Variants in PUS10 observed in about 807,000 individuals in gnomAD.
PUS10 encodes tRNA pseudouridine synthase Pus10.
In PUS10, 59 loss-of-function variants were observed where a neutral mutation model predicts 75.0. The observed-to-expected ratio is 0.79, with a 90% CI of 0.64 to 0.98. The LOEUF (loss-of-function observed/expected upper bound fraction) is 0.98, where lower values mean the gene tolerates loss of function less well. Ranked by LOEUF, PUS10 falls within the 50% of genes least tolerant of loss-of-function variation. The pLI is 0.00. For missense variants in PUS10, 650 were observed against 614.4 expected, an observed-to-expected ratio of 1.06 and a Z score of -0.61; for synonymous variants, 219 against 211.6, an observed-to-expected ratio of 1.03 and a Z score of -0.30.
chr2:61,013,922 G>A (rs1202778121), intron 1 of PUS10, among the ~76,000 whole-genome samples: 4 of 150,060 alleles, frequency 2.7e-5, no homozygotes, highest in African/African-American at 9.8e-5. Context: ...CTGGGCAACA[G>A]AGTGAGATGC....
intron 1 of PUS10, among the ~76,000 whole-genome samples, chr2:61,015,188 T>C (rs1679886815): frequency 6.6e-6 from 1 of 152,084 alleles, no homozygotes; most frequent in Admixed American, 6.6e-5. Context: ...ACAGAATATG[T>C]GGAAAACAGC....
At chr2:60,987,606 A>G (rs1677800908) in intron 4 of PUS10, among the ~76,000 whole-genome samples, 1 of 152,188 alleles carries the variant, frequency 6.6e-6, no homozygotes, top group Non-Finnish European at 1.5e-5. Context: ...ATCACCACTA[A>G]TTGTGTACAG....
intron 4 of PUS10, among the ~76,000 whole-genome samples, chr2:60,993,851 G>A (rs1019771746): frequency 7.2e-5 from 11 of 152,052 alleles, no homozygotes; most frequent in Admixed American, 2.0e-4. Context: ...GTGCAGTGGC[G>A]CGATCTCGGC....
rs950397917 is a variant in PUS10, at chr2:61,017,767, C to G, written c.-16+241G>C. On this transcript the variant is annotated intron_variant, in intron 1 of 17. Transcript: ENST00000316752. The stretch of plus-strand genomic sequence containing the variant: ...CGAGAGGAGGCGGAGGAGATGGCGT[C>G]CCAGCCGCCACCTCCCCCCAAACCC... 2.6e-6 allele frequency: 4 copies of G among 1,549,650 alleles called. No homozygotes were observed. The highest frequency in any genetic ancestry group is 3.9e-5 in the Admixed American group (2 of 50,914).
chr2:61,012,137 T>C (rs1679644770), intron 1 of PUS10, among the ~76,000 whole-genome samples: 1 of 152,152 alleles, frequency 6.6e-6, no homozygotes, highest in African/African-American at 2.4e-5. Flanking sequence ...GCATTTTGGA[T>C]TATGATAAAA....
intron 11 of PUS10, among the ~76,000 whole-genome samples, chr2:60,956,766 A>C (rs7587324): frequency 6.6e-6 from 1 of 151,806 alleles, no homozygotes; most frequent in East Asian, 1.9e-4. Context: ...ACGAAGTCAG[A>C]AGATCGAGAC....
At chr2:60,997,898 C>G (rs1223284974) in intron 4 of PUS10, among the ~76,000 whole-genome samples, 2 of 152,148 alleles carry the variant, frequency 1.3e-5, no homozygotes, top group Non-Finnish European at 2.9e-5. Context: ...GTTGGTCTTA[C>G]ATGGTGGGTG....
chr2:60,978,823 T>C (rs907031674), intron 4 of PUS10, among the ~76,000 whole-genome samples: 1 of 152,306 alleles, frequency 6.6e-6, no homozygotes, highest in East Asian at 1.9e-4. Context: ...AAAAATATAT[T>C]ACAGCAATGC....
chr2:60,997,526 C>G (rs976992274), intron 4 of PUS10, among the ~76,000 whole-genome samples: 1 of 146,828 alleles, frequency 6.8e-6, no homozygotes, highest in Non-Finnish European at 1.5e-5. Context: ...AGGAGAATGG[C>G]GTGAACCCGG....
At chr2:60,995,588 A>C (rs1678402631) in intron 4 of PUS10, among the ~76,000 whole-genome samples, 1 of 152,220 alleles carries the variant, frequency 6.6e-6, no homozygotes, top group South Asian at 2.1e-4. Context: ...TCAGCAACTT[A>C]ACTACGCCAC....
chr2:60,943,956 T>C (rs368973062), intron 17 of PUS10, among the ~76,000 whole-genome samples: 4 of 151,762 alleles, frequency 2.6e-5, no homozygotes, highest in South Asian at 4.1e-4. Context: ...TGAGACCCCA[T>C]CTCAACAACA....
chr2:60,947,734 CAGG>C (rs1487255202), intron 16 of PUS10, among the ~76,000 whole-genome samples: 2 of 146,888 alleles, frequency 1.4e-5, no homozygotes, highest in African/African-American at 5.0e-5. Flanking sequence ...GAGGCTGAGG[CAGG>C]AGAATGGCAT....
intron 6 of PUS10, 163 bp downstream of exon 6, chr2:60,967,339 A>G: frequency 1.9e-6 from 1 of 515,616 alleles, no homozygotes; most frequent in South Asian, 2.2e-5. Context: ...AAATGCTTTG[A>G]CTTCAATTTA....
chr2:60,961,968 T>C (rs890933453), intron 9 of PUS10, among the ~76,000 whole-genome samples: 3 of 152,240 alleles, frequency 2.0e-5, no homozygotes, highest in African/African-American at 7.2e-5. Context: ...TTGAAATGTA[T>C]TGAAGGATCT....
At chr2:60,957,354 T>C (rs1207576105) in intron 11 of PUS10, among the ~76,000 whole-genome samples, 1 of 152,200 alleles carries the variant, frequency 6.6e-6, no homozygotes, top group Admixed American at 6.5e-5. Context: ...GCAAGACCCA[T>C]GACACACCTG....
At chr2:60,991,715 G>GAT (rs1387900562) in intron 4 of PUS10, among the ~76,000 whole-genome samples, 1 of 152,184 alleles carries the variant, frequency 6.6e-6, no homozygotes, top group Non-Finnish European at 1.5e-5. Flanking sequence ...CTAAGATAAT[G>GAT]ATATGTGTGA....
chr2:60,944,430 G>T (rs1451607562), intron 17 of PUS10, among the ~76,000 whole-genome samples: 2 of 152,204 alleles, frequency 1.3e-5, no homozygotes, highest in African/African-American at 4.8e-5. Context: ...AGGAGCGGGG[G>T]AGGTACTCTA....
chr2:60,958,621 C>T (rs975187431), intron 11 of PUS10, among the ~76,000 whole-genome samples: 22 of 152,254 alleles, frequency 1.4e-4, no homozygotes, highest in Admixed American at 1.2e-3. Context: ...TGGTGGTTCA[C>T]GCCTGTAATC....
In PUS10 at chr2:60,965,467, A is replaced by C. The variant is rs752212180; in HGVS notation, c.633T>G (p.Ser211Arg). The change falls in exon 7 of 18, where the codon AGT becomes AGG. Residue 211 changes from serine to arginine, a missense_variant. Ser to Arg is a moderately radical substitution (Grantham distance 110). Coordinates refer to ENST00000316752, the MANE Select transcript of PUS10 (RefSeq NM_144709.4). ...CTGTTTCTGGGTGAGCAAAGACCAC[A>C]CTCACTTCAAACAAGCTCTAAAAAT... ...PIDGKSLFEV[S>R]VVFAHPETVE... The C allele has an allele frequency of 6.3e-5, 101 of 1,608,968 alleles. 1 individual carries two copies. The South Asian group carries it at 8.5e-4, about 14-fold the overall frequency.
Sources: allele counts gnomAD v4.1 joint callset (sites outside exome capture counted in the v4.1 genomes callset), GRCh38; gene constraint gnomAD v4.1.1; transcripts MANE v1.5; gene names NCBI Gene and HGNC (gene_info 2026-07-23, HGNC 2026-07-21).